The following STEAP4 variants were observed in gnomAD, a reference collection of about 807,000 sequenced individuals.
The protein encoded by STEAP4 is metalloreductase STEAP4.
STEAP4 carries 36 observed loss-of-function variants against 43.6 expected under a neutral mutation model. The ratio of observed to expected loss-of-function variants is 0.83; its 90% CI spans 0.63 to 1.09. The LOEUF (loss-of-function observed/expected upper bound fraction) is 1.09, where lower values mean the gene tolerates loss of function less well. Ranked by LOEUF, STEAP4 falls within the 50% of genes least tolerant of loss-of-function variation. The pLI is 0.00. For missense variants in STEAP4, 495 were observed against 546.5 expected (o/e 0.91, Z 0.94); for synonymous variants, 191 against 196.7 (o/e 0.97, Z 0.24).
intron 1 of STEAP4, among the ~76,000 whole-genome samples, chr7:88,286,434 A>G (rs1852735454): frequency 6.6e-6 from 1 of 151,858 alleles, no homozygotes; most frequent in Non-Finnish European, 1.5e-5. Context: ...CAGGATATCT[A>G]ATTTTTTTTT....
chr7:88,297,459 C>T (rs1252059224), intron 1 of STEAP4, among the ~76,000 whole-genome samples: 1 of 152,024 alleles, frequency 6.6e-6, no homozygotes, highest in Non-Finnish European at 1.5e-5. Flanking sequence ...AAGGAGGTGC[C>T]AGTCAAGTGA....
Position 88,275,189 on chromosome 7 carries a change from C to CCAAGCACTTCTCCTGCCT in STEAP4, c.*4191_*4208dup, listed in dbSNP as rs1852495832. 6.6e-6 allele frequency: 1 copy of CCAAGCACTTCTCCTGCCT among 152,284 alleles called. No homozygotes were observed. The highest frequency in any genetic ancestry group is 2.1e-4 in the South Asian group (1 of 4,826). 9.4% of individuals were successfully genotyped at this position (152,284 alleles called of 1,614,324 possible). On this transcript the variant is annotated 3_prime_UTR_variant, in exon 5 of 5. Transcript: ENST00000380079. ...TCATTGTAACCTCTGCTTCCTGGGT[C>CCAAGCACTTCTCCTGCCT]CAAGCACTTCTCCTGCCTCAGCCTC...
At chr7:88,302,869 G>C (rs1233061476) in intron 1 of STEAP4, among the ~76,000 whole-genome samples, 1 of 148,552 alleles carries the variant, frequency 6.7e-6, no homozygotes, top group Non-Finnish European at 1.5e-5. Context: ...CAGGAGAATT[G>C]CTTGAGCCCA....
chr7:88,301,892 AACGAATTAGAAT>A, intron 1 of STEAP4, among the ~76,000 whole-genome samples: 3 of 152,278 alleles, frequency 2.0e-5, no homozygotes, highest in East Asian at 3.9e-4. Flanking sequence ...CACTCTTTAA[AACGAATTAGAAT>A]ACAAAATATT....
chr7:88,306,478 T>TA (rs1853134710), intron 1 of STEAP4, among the ~76,000 whole-genome samples: 1 of 152,230 alleles, frequency 6.6e-6, no homozygotes, highest in Non-Finnish European at 1.5e-5. Flanking sequence ...AGCCTACTTT[T>TA]TGATGGGCGC....
At chr7:88,281,154 G>A (rs1443799769) in intron 3 of STEAP4, 75 bp from the exon 4 acceptor site, 38 of 1,234,272 alleles carry the variant, frequency 3.1e-5, no homozygotes, top group Non-Finnish European at 3.7e-5. Flanking sequence ...CACTTTGACA[G>A]TGGGCACAAA....
intron 1 of STEAP4, among the ~76,000 whole-genome samples, chr7:88,302,951 CAAAAAAAAAAA>C (rs35493493): frequency 3.9e-5 from 2 of 51,488 alleles, no homozygotes; most frequent in Non-Finnish European, 7.5e-5. Flanking sequence ...GAGACTGTCT[CAAAAAAAAAAA>C]AAAAAAAAAA....
intron 1 of STEAP4, among the ~76,000 whole-genome samples, chr7:88,300,447 A>G (rs1449562833): frequency 6.6e-6 from 1 of 151,994 alleles, no homozygotes; most frequent in Admixed American, 6.6e-5. Context: ...TCCTGGCCTC[A>G]AGTAATCAGC....
chr7:88,272,121 C>T lies in STEAP4; in HGVS notation c.*7277G>A, dbSNP rs1160947538. On this transcript the variant is annotated 3_prime_UTR_variant, in exon 5 of 5. Coordinates refer to ENST00000380079, the MANE Select transcript of STEAP4 (RefSeq NM_024636.4). Reference sequence around the variant, plus strand: ...ACCTCTTTGCCTGTGGGCCTTTTTCCCCCTAGACATGGTGGCATACACAAT... The same window carrying T: ...ACCTCTTTGCCTGTGGGCCTTTTTCTCCCTAGACATGGTGGCATACACAAT... 1 of 152,082 alleles carries T rather than the reference C, an allele frequency of 6.6e-6. No homozygotes were observed. Among genetic ancestry groups the T allele is most frequent in the East Asian group, 1.9e-4 (1 of 5,176 alleles). The allele number at this position is 152,082 out of a possible 1,614,324, so 9.4% of individuals were successfully genotyped here.
Position 88,278,076 on chromosome 7 carries a change from G to C in STEAP4, c.*1322C>G, listed in dbSNP as rs1852544288. On this transcript the variant is annotated 3_prime_UTR_variant, in exon 5 of 5. Coordinates refer to ENST00000380079, the MANE Select transcript of STEAP4 (RefSeq NM_024636.4). ...TATAATGAAAGTAAAAAAAAAAAAA[G>C]GTCTTAGCAGAGCAGGCAGAAAAAT... 6.6e-6 allele frequency: 1 copy of C among 150,624 alleles called. No homozygotes were observed. The highest frequency in any genetic ancestry group is 2.1e-4 in the South Asian group (1 of 4,780). The allele number at this position is 150,624 out of a possible 1,614,324, so 9.3% of individuals were successfully genotyped here.
At position 88,279,360 on chromosome 7, in the gene STEAP4, CT is replaced by C. The variant is rs1470787893; in HGVS notation, c.*37del. The C allele has an allele frequency of 1.6e-5, 25 of 1,588,056 alleles. No individual in the cohort carries two copies. In the African/African-American group the frequency reaches 3.4e-4, roughly 21 times the overall value. On this transcript the variant is annotated 3_prime_UTR_variant, in exon 5 of 5. Coordinates refer to ENST00000380079, the MANE Select transcript of STEAP4 (RefSeq NM_024636.4). ...AGTTCAGAAATCCAGCTAAATTGAA[CT>C]TTGTTTTAAATATTGATTTTCCATT...
At position 88,283,095 on chromosome 7, in the gene STEAP4, G is replaced by T; in HGVS notation, c.530C>A (p.Pro177Gln). Residue 177 changes from proline (P) to glutamine (Q), a missense_variant, in exon 3 of 5, where the codon CCA (proline) becomes CAA (glutamine). By Grantham distance (76) the Pro-to-Gln change is moderately conservative. Transcript: ENST00000380079. ...TGCCATGAGTGATCCTTGATCCATT[G>T]GAGTAAGTCCAAGATTACGAACAAT... is the stretch of plus-strand genomic sequence containing the variant. ...MDIVRNLGLT[P>Q]MDQGSLMAAK... is the part of the protein sequence containing the mutation. The T allele has an allele frequency of 6.2e-7, 1 of 1,608,052 alleles. No individual in the cohort carries two copies.
chr7:88,294,413 G>T (rs1852892951), intron 1 of STEAP4, among the ~76,000 whole-genome samples: 1 of 151,908 alleles, frequency 6.6e-6, no homozygotes, highest in Non-Finnish European at 1.5e-5. Context: ...AAAAAAATCT[G>T]AAATCCAAAA....
intron 4 of STEAP4, among the ~76,000 whole-genome samples, 194 bp from the exon 5 acceptor site, chr7:88,279,822 A>G (rs1405344599): frequency 1.3e-5 from 2 of 152,202 alleles, no homozygotes; most frequent in African/African-American, 4.8e-5. Context: ...AAACAAGATT[A>G]TTTCTTACAA....
intron 1 of STEAP4, among the ~76,000 whole-genome samples, chr7:88,296,978 A>G (rs1161747263): frequency 1.3e-5 from 2 of 152,214 alleles, no homozygotes; most frequent in African/African-American, 2.4e-5. Flanking sequence ...GCCATATATA[A>G]GTCATTTGAA....
chr7:88,285,552 A>C (rs1852716695), intron 1 of STEAP4, among the ~76,000 whole-genome samples: 4 of 152,144 alleles, frequency 2.6e-5, no homozygotes, highest in Admixed American at 2.6e-4. Context: ...ACAGTGGCTT[A>C]TGCCTGTAAT....
Position 88,280,954 on chromosome 7 carries a change from A to C in STEAP4, c.1110T>G (p.Val370=). ...ACTCTCTCCAGTTGACTGCATTGCT[A>C]ACAGATGGCAAAGAAGTGATTCCCA... ...VLLGITSLPS[V]SNAVNWREFR... is the part of the protein sequence containing the mutation. Residue 370 remains valine (V), a synonymous_variant, in exon 4 of 5, where the codon GTT becomes GTG. Coordinates refer to ENST00000380079, the MANE Select transcript of STEAP4 (RefSeq NM_024636.4). 2 of 1,612,414 alleles carry C rather than the reference A, an allele frequency of 1.2e-6. No individual in the cohort carries two copies. The highest frequency in any genetic ancestry group is 1.7e-6 in the Non-Finnish European group (2 of 1,179,400).
intron 1 of STEAP4, among the ~76,000 whole-genome samples, chr7:88,302,405 A>G (rs914370416): frequency 2.7e-5 from 4 of 150,520 alleles, no homozygotes; most frequent in African/African-American, 4.9e-5. Context: ...ATGGGCGCCT[A>G]CAGGCTAGGA....
chr7:88,306,760 G>C (rs1853143210), intron 1 of STEAP4, 32 bp downstream of exon 1: 1 of 152,464 alleles, frequency 6.6e-6, no homozygotes, highest in Non-Finnish European at 1.5e-5. Flanking sequence ...AGCAGATAAG[G>C]GACGGGAGCC....
Sources: gnomAD v4.1 joint callset for allele counts (sites outside exome capture counted in the v4.1 genomes callset) on GRCh38, gnomAD v4.1.1 for gene constraint, MANE v1.5 for transcripts, NCBI Gene and HGNC (gene_info 2026-07-23, HGNC 2026-07-21) for gene names.